GRM5: variants seen among roughly 807,000 people sequenced by gnomAD.
The protein encoded by GRM5 is metabotropic glutamate receptor 5.
A neutral mutation model predicts 83.1 loss-of-function variants in GRM5; 19 were observed. The ratio of observed to expected loss-of-function variants is 0.23; its 90% CI spans 0.16 to 0.34. GRM5 has a LOEUF of 0.34. GRM5 is among the 10% of genes least tolerant of loss of function. The pLI is 1.00. For missense variants in GRM5, 1,160 were observed against 1,588.3 expected (o/e 0.73, Z 4.58); for synonymous variants, 675 against 633.6 (o/e 1.07, Z -0.98).
intron 3 of GRM5, among the ~76,000 whole-genome samples, chr11:88,799,406 T>C (rs1943346373): frequency 6.6e-6 from 1 of 152,112 alleles, no homozygotes; most frequent in Non-Finnish European, 1.5e-5. Flanking sequence ...TATCTATATA[T>C]GTATACTTCA....
intron 7 of GRM5, among the ~76,000 whole-genome samples, chr11:88,572,801 A>G (rs1404110160): frequency 2.6e-5 from 4 of 152,076 alleles, no homozygotes; most frequent in Non-Finnish European, 4.4e-5. Flanking sequence ...CCTTACTGTA[A>G]TGGTAAGTTA....
chr11:88,609,850 G>A lies in GRM5; in HGVS notation c.1148-4886C>T, dbSNP rs192044848. Among the ~76,000 whole-genome samples the A allele has an allele frequency of 1.4e-4, 21 of 152,200 alleles. No homozygotes were observed. In the East Asian group the frequency reaches 3.9e-3, roughly 28 times the overall value. ...GGTATTTCTTAGGATTTCTTCTAGG[G>A]TTTTTATAGTTTTAGCTCTTACATT... On this transcript the variant is annotated intron_variant, in intron 4 of 9. Coordinates refer to ENST00000305447, the MANE Select transcript of GRM5 (RefSeq NM_001143831.3).
At chr11:88,591,186 A>G (rs1937633159) in intron 6 of GRM5, among the ~76,000 whole-genome samples, 1 of 152,174 alleles carries the variant, frequency 6.6e-6, no homozygotes, top group African/African-American at 2.4e-5. Flanking sequence ...ATCTTCTAAA[A>G]TCTGTCCATA....
intron 3 of GRM5, among the ~76,000 whole-genome samples, chr11:88,741,174 A>C (rs1490449551): frequency 6.6e-6 from 1 of 152,120 alleles, no homozygotes; most frequent in Admixed American, 6.6e-5. Context: ...AACAAATATC[A>C]GCGTGGCTAG....
At position 88,805,193 on chromosome 11, in the gene GRM5, T is replaced by A. The variant is rs141511842; in HGVS notation, c.911+44713A>T. ...TCCATATACTTATTTTAATTTATTT[T>A]ATTTATTTATTTATTTTGAGACAGA... On this transcript the variant is annotated intron_variant, in intron 3 of 9. Transcript: ENST00000305447. Among the ~76,000 whole-genome samples, 475 of 152,150 alleles carry A rather than the reference T, an allele frequency of 3.1e-3. 1 individual carries two copies. The highest frequency in any genetic ancestry group is 0.011 in the African/African-American group (471 of 41,534).
At chr11:88,975,294 G>A (rs552937670) in intron 2 of GRM5, among the ~76,000 whole-genome samples, 18 of 152,316 alleles carry the variant, frequency 1.2e-4, no homozygotes, top group African/African-American at 4.1e-4. Flanking sequence ...TGGTATAGAG[G>A]AAGGGAGTGA....
chr11:89,026,687 A>G (rs1941137434), intron 2 of GRM5, among the ~76,000 whole-genome samples: 1 of 152,204 alleles, frequency 6.6e-6, no homozygotes, highest in Non-Finnish European at 1.5e-5. Context: ...AGTATATGCA[A>G]TCTACTATTA....
chr11:88,825,807 G>A (rs1480102683), intron 3 of GRM5, among the ~76,000 whole-genome samples: 1 of 152,126 alleles, frequency 6.6e-6, no homozygotes, highest in Admixed American at 6.5e-5. Flanking sequence ...AAATTAAGGT[G>A]GCTTGGGTTT....
chr11:88,588,368 T>C (rs142510699), intron 7 of GRM5, among the ~76,000 whole-genome samples: 6 of 152,082 alleles, frequency 3.9e-5, no homozygotes, highest in Non-Finnish European at 7.4e-5. Flanking sequence ...CTCAAAATAA[T>C]AAACTGTGCC....
chr11:88,930,124 A>T lies in GRM5; in HGVS notation c.662-79969T>A, dbSNP rs184262879. ...ATGTAAGTAAAGAAAAGTGATAAAAAATAATTTGTGCTGGGTGCAGTGACC... is the reference window on the plus strand; with the variant it reads ...ATGTAAGTAAAGAAAAGTGATAAAATATAATTTGTGCTGGGTGCAGTGACC... On this transcript the variant is annotated intron_variant, in intron 2 of 9. Coordinates refer to ENST00000305447, the MANE Select transcript of GRM5 (RefSeq NM_001143831.3). Among the ~76,000 whole-genome samples, 133 of 152,240 alleles carry T rather than the reference A, an allele frequency of 8.7e-4. 1 individual carries two copies. The highest frequency in any genetic ancestry group is 2.9e-3 in the African/African-American group (122 of 41,550).
At chr11:88,700,367 G>A (rs1440535633) in intron 3 of GRM5, among the ~76,000 whole-genome samples, 1 of 152,060 alleles carries the variant, frequency 6.6e-6, no homozygotes, top group African/African-American at 2.4e-5. Flanking sequence ...GAGTAGCTAT[G>A]GGTGATACAT....
intron 2 of GRM5, among the ~76,000 whole-genome samples, chr11:88,888,610 C>T (rs181563076): frequency 2.9e-3 from 443 of 152,010 alleles, no homozygotes; most frequent in Non-Finnish European, 5.1e-3. Context: ...CATGACATGC[C>T]GGCAAAAAGG....
At chr11:88,898,291 A>G (rs994367194) in intron 2 of GRM5, among the ~76,000 whole-genome samples, 1 of 151,970 alleles carries the variant, frequency 6.6e-6, no homozygotes, top group Non-Finnish European at 1.5e-5. Context: ...AATAATTAAT[A>G]ATAATGTTTA....
intron 2 of GRM5, among the ~76,000 whole-genome samples, chr11:88,863,389 A>T (rs1193194243): frequency 2.3e-4 from 11 of 47,480 alleles, no homozygotes; most frequent in Non-Finnish European, 3.3e-4. Flanking sequence ...GACCAGATTT[A>T]AAAAAAAATG....
At chr11:88,582,600 A>T (rs1408654602) in intron 7 of GRM5, among the ~76,000 whole-genome samples, 2 of 152,238 alleles carry the variant, frequency 1.3e-5, no homozygotes, top group Non-Finnish European at 2.9e-5. Flanking sequence ...AATATTTATT[A>T]AAATTGTAAT....
At chr11:88,746,247 G>C (rs1942138714) in intron 3 of GRM5, among the ~76,000 whole-genome samples, 1 of 148,680 alleles carries the variant, frequency 6.7e-6, no homozygotes, top group South Asian at 2.1e-4. Context: ...GCTCTGGCTT[G>C]GTTAATAATA....
intron 4 of GRM5, among the ~76,000 whole-genome samples, chr11:88,644,823 G>A (rs935810291): frequency 1.3e-5 from 2 of 151,962 alleles, no homozygotes; most frequent in Non-Finnish European, 2.9e-5. Context: ...GAAAGGGAGA[G>A]AATTAAGCAC....
intron 3 of GRM5, among the ~76,000 whole-genome samples, chr11:88,682,002 T>A (rs1565184554): frequency 6.6e-6 from 1 of 152,146 alleles, no homozygotes; most frequent in Non-Finnish European, 1.5e-5. Context: ...CATTTAGCTA[T>A]GAAAAATATA....
intron 2 of GRM5, among the ~76,000 whole-genome samples, chr11:88,892,596 A>T (rs377002589): frequency 2.6e-5 from 4 of 152,210 alleles, no homozygotes; most frequent in African/African-American, 9.6e-5. Flanking sequence ...CAAAGAACAC[A>T]GTCCTATCAT....
Sources: gnomAD v4.1 joint callset for allele counts (sites outside exome capture counted in the v4.1 genomes callset) on GRCh38, gnomAD v4.1.1 for gene constraint, MANE v1.5 for transcripts, NCBI Gene and HGNC (gene_info 2026-07-23, HGNC 2026-07-21) for gene names.